The following CASP8 variants were observed in gnomAD, a reference collection of about 807,000 sequenced individuals.
The protein encoded by CASP8 is caspase 8.
Under a neutral mutation model 46.3 loss-of-function variants are expected in CASP8, and 24 were observed. That is an observed-to-expected ratio of 0.52 (90% CI 0.38 to 0.73). The LOEUF is 0.73. Ranked by LOEUF, CASP8 falls within the 30% of genes least tolerant of loss-of-function variation. The probability of loss-of-function intolerance (pLI) is 0.00; values close to 1 mark genes in which losing one functional copy is unlikely to be tolerated. For synonymous variants in CASP8, 188 were observed against 200.4 expected, an observed-to-expected ratio of 0.94 and a Z score of 0.52; for missense variants, 460 against 559.0, an observed-to-expected ratio of 0.82 and a Z score of 1.79.
rs1191377565 is a variant in CASP8, at chr2:201,269,604, A to C, written c.306-1912A>C. 4 of 1,607,950 alleles carry C rather than the reference A, an allele frequency of 2.5e-6. No individual in the cohort carries two copies. The East Asian group carries it at 8.9e-5, about 36-fold the overall frequency. ...GCGGAGGGTCGATCATCTATTAATA[A>C]GGCAGGATCTCTCTTAAAATCTTTA... On this transcript the variant is annotated intron_variant, in intron 2 of 8. Coordinates refer to ENST00000673742, the MANE Select transcript of CASP8 (RefSeq NM_001372051.1).
chr2:201,272,320 T>G lies in CASP8; in HGVS notation c.412-318T>G, dbSNP rs1948320495. ...GCTGTTCCCCAGGGTGTCACCATGA[T>G]GACCGGGCTGCTGTCTCAGGTTGTT... On this transcript the variant is annotated intron_variant, in intron 3 of 8. Coordinates refer to ENST00000673742, the MANE Select transcript of CASP8 (RefSeq NM_001372051.1). The surrounding 1 kb of genome is among the most constrained non-coding windows in gnomAD (Gnocchi z 4.4). Among the ~76,000 whole-genome samples the G allele has an allele frequency of 6.6e-6, 1 of 152,112 alleles. No homozygotes were observed.
intron 2 of CASP8, among the ~76,000 whole-genome samples, chr2:201,239,053 A>C (rs1946180958): frequency 6.6e-6 from 1 of 152,204 alleles, no homozygotes; most frequent in African/African-American, 2.4e-5. Flanking sequence ...GAGTGGATAC[A>C]GCACATGTTT....
chr2:201,262,659 G>A (rs1947505339), intron 1 of CASP8, among the ~76,000 whole-genome samples: 1 of 151,978 alleles, frequency 6.6e-6, no homozygotes, highest in African/African-American at 2.4e-5. Flanking sequence ...TATGAAACAA[G>A]TGTTACTTTT....
chr2:201,286,975 C>A lies in CASP8; in HGVS notation c.*381C>A. The A allele has an allele frequency of 4.4e-6, 1 of 226,724 alleles. No homozygotes were observed. 14.0% of individuals were successfully genotyped at this position (226,724 alleles called of 1,614,324 possible). ...ATTTACTAATTTTCTAGATTTTCTA[C>A]TTTATTAATTGTTTTGCACTTTTTT... On this transcript the variant is annotated 3_prime_UTR_variant, in exon 9 of 9. Coordinates refer to ENST00000673742, the MANE Select transcript of CASP8 (RefSeq NM_001372051.1).
rs1128423 is a variant in CASP8, at chr2:201,287,383, A to G, written c.*789A>G. Reference sequence around the variant, plus strand: ...GCTGCACTCAAGCTTGGGTGACAGAACAAGACCCCGTCTCAAAAAAAATTT... The same window carrying G: ...GCTGCACTCAAGCTTGGGTGACAGAGCAAGACCCCGTCTCAAAAAAAATTT... On this transcript the variant is annotated 3_prime_UTR_variant, in exon 9 of 9. Transcript: ENST00000673742. 6.6e-6 allele frequency: 1 copy of G among 152,584 alleles called. No individual in the cohort carries two copies. Among genetic ancestry groups the G allele is most frequent in the African/African-American group, 2.4e-5 (1 of 41,456 alleles). 9.5% of individuals were successfully genotyped at this position (152,584 alleles called of 1,614,324 possible).
intron 2 of CASP8, among the ~76,000 whole-genome samples, chr2:201,246,845 C>T (rs1341335629): frequency 1.3e-5 from 2 of 152,118 alleles, no homozygotes; most frequent in African/African-American, 4.8e-5. Flanking sequence ...TTTTGGGGGG[C>T]CAGGGAGGAG....
intron 2 of CASP8, among the ~76,000 whole-genome samples, chr2:201,249,814 A>G (rs1946699702): frequency 6.6e-6 from 1 of 152,202 alleles, no homozygotes; most frequent in South Asian, 2.1e-4. Flanking sequence ...CTTTCCCGTT[A>G]TTAACATCTT....
chr2:201,273,304 C>T (rs372995917), intron 5 of CASP8, among the ~76,000 whole-genome samples: 2 of 152,332 alleles, frequency 1.3e-5, no homozygotes, highest in Middle Eastern at 3.4e-3. Flanking sequence ...GGTGGTCTGC[C>T]TGCCTTGGCC....
intron 7 of CASP8, among the ~76,000 whole-genome samples, chr2:201,280,482 A>G (rs538568901): frequency 6.6e-6 from 1 of 152,370 alleles, no homozygotes; most frequent in South Asian, 2.1e-4. Context: ...GTAAAGTATC[A>G]GAAATGGAAA....
intron 7 of CASP8, among the ~76,000 whole-genome samples, chr2:201,279,002 C>A (rs1487198559): frequency 6.6e-6 from 1 of 151,972 alleles, no homozygotes; most frequent in Non-Finnish European, 1.5e-5. Context: ...AAAAAAGAGT[C>A]GAGGTAATTG....
chr2:201,278,097 T>G (rs1484705454), intron 7 of CASP8: 2 of 152,688 alleles, frequency 1.3e-5, no homozygotes, highest in African/African-American at 2.4e-5. Flanking sequence ...CACTATGCGC[T>G]TGGTATTGAA....
chr2:201,241,171 TG>T (rs1177983202), intron 2 of CASP8: 2 of 151,622 alleles, frequency 1.3e-5, no homozygotes, highest in African/African-American at 4.8e-5. Context: ...CTAAAATTAG[TG>T]AAGGAAATAA....
Position 201,284,828 on chromosome 2 carries a change from C to A in CASP8, c.815C>A (p.Thr272Lys), listed in dbSNP as rs139337151. 2.5e-6 allele frequency: 4 copies of A among 1,613,530 alleles called. No homozygotes were observed. The highest frequency in any genetic ancestry group is 3.4e-6 in the Non-Finnish European group (4 of 1,180,004). Residue 272 changes from threonine (T) to lysine (K), a missense_variant, in exon 8 of 9, where the codon ACG becomes AAG. By Grantham distance (78) the Thr-to-Lys change is moderately conservative. Coordinates refer to ENST00000673742, the MANE Select transcript of CASP8 (RefSeq NM_001372051.1). ...TTTCACTTTTCAGGGGCTTTGACCA[C>A]GACCTTTGAAGAGCTTCATTTTGAG... ...GTHLDAGALT[T>K]TFEELHFEIK...
At chr2:201,268,855 A>G (rs1018795267) in intron 2 of CASP8, among the ~76,000 whole-genome samples, 2 of 151,430 alleles carry the variant, frequency 1.3e-5, no homozygotes, top group Non-Finnish European at 1.5e-5. Flanking sequence ...CCCTCTTATG[A>G]GACAGTCACT....
intron 2 of CASP8, among the ~76,000 whole-genome samples, chr2:201,267,416 C>A (rs1258525327): frequency 6.6e-6 from 1 of 152,126 alleles, no homozygotes; most frequent in Non-Finnish European, 1.5e-5. Context: ...AGCTGTAAGC[C>A]GCTGGCCTGG....
At chr2:201,260,454 C>G, upstream of CASP8, 1 of 775,142 alleles carries the variant, frequency 1.3e-6, no homozygotes, top group Non-Finnish European at 1.6e-6. Flanking sequence ...GTGGTAAGCG[C>G]TCTTTCCCCT....
intron 2 of CASP8, among the ~76,000 whole-genome samples, chr2:201,248,013 C>A (rs1418528349): frequency 6.6e-6 from 1 of 152,134 alleles, no homozygotes; most frequent in Non-Finnish European, 1.5e-5. Flanking sequence ...CTCCTGGCCT[C>A]AAGTGATCCA....
intron 2 of CASP8, among the ~76,000 whole-genome samples, chr2:201,234,662 T>C (rs1049330119): frequency 6.6e-6 from 1 of 151,990 alleles, no homozygotes; most frequent in African/African-American, 2.4e-5. Context: ...TCTCACCATG[T>C]TGGCCAGGCT....
At chr2:201,251,610 G>GA (rs200356298) in intron 2 of CASP8, among the ~76,000 whole-genome samples, 5 of 138,920 alleles carry the variant, frequency 3.6e-5, no homozygotes, top group South Asian at 2.3e-4. Flanking sequence ...AAAAAAAAAA[G>GA]AAAAAAAAAT....
Sources: allele counts gnomAD v4.1 joint callset (sites outside exome capture counted in the v4.1 genomes callset), GRCh38; gene constraint gnomAD v4.1.1; non-coding constraint Gnocchi (gnomAD v3.1); transcripts MANE v1.5; gene names NCBI Gene and HGNC (gene_info 2026-07-23, HGNC 2026-07-21).